KSR2: variants seen among roughly 807,000 people sequenced by gnomAD.
KSR2 encodes the protein kinase suppressor of ras 2.
In KSR2, 25 loss-of-function variants were observed where a neutral mutation model predicts 107.8. That is an observed-to-expected ratio of 0.23 (90% CI 0.17 to 0.32). The LOEUF (loss-of-function observed/expected upper bound fraction) is 0.32, where lower values mean the gene tolerates loss of function less well. Ranked by LOEUF, KSR2 falls within the 10% of genes least tolerant of loss-of-function variation. The probability of loss-of-function intolerance (pLI) is 1.00; values close to 1 mark genes in which losing one functional copy is unlikely to be tolerated. For missense variants in KSR2, 887 were observed against 1,268.9 expected (o/e 0.70, Z 4.57); for synonymous variants, 480 against 507.0 (o/e 0.95, Z 0.71).
chr12:117,898,354 C>T (rs138523298), intron 1 of KSR2, among the ~76,000 whole-genome samples: 10 of 147,936 alleles, frequency 6.8e-5, no homozygotes, highest in African/African-American at 2.0e-4. Flanking sequence ...TTTTTTGAGA[C>T]AGGGTCTTGC....
chr12:117,821,451 A>G (rs971135495), intron 3 of KSR2, among the ~76,000 whole-genome samples: 6 of 152,186 alleles, frequency 3.9e-5, no homozygotes, highest in Admixed American at 3.9e-4. Context: ...GATTTTCTTA[A>G]TAACATTTTC....
At chr12:117,469,631 G>C in intron 19 of KSR2, 31 bp downstream of exon 19, 2 of 1,607,100 alleles carry the variant, frequency 1.2e-6, no homozygotes, top group African/African-American at 2.7e-5. Context: ...GGACAAGGCA[G>C]TGGGGAGAGA....
At chr12:117,672,874 T>TC (rs1565954474) in intron 4 of KSR2, among the ~76,000 whole-genome samples, 5 of 152,096 alleles carry the variant, frequency 3.3e-5, no homozygotes, top group Non-Finnish European at 7.4e-5. Flanking sequence ...CTGCCCATCT[T>TC]GGCCTCGGCC....
intron 5 of KSR2, among the ~76,000 whole-genome samples, chr12:117,661,011 G>A (rs986222752): frequency 6.6e-6 from 1 of 152,198 alleles, no homozygotes; most frequent in Non-Finnish European, 1.5e-5. Flanking sequence ...ACACAGTGGA[G>A]TTGTCTATAA....
chr12:117,589,911 C>G (rs555676106), intron 5 of KSR2, among the ~76,000 whole-genome samples: 1 of 152,244 alleles, frequency 6.6e-6, no homozygotes, highest in Non-Finnish European at 1.5e-5. Flanking sequence ...CATCTGGGGC[C>G]CTTGATGGCT....
At chr12:117,936,521 T>TAGTAGTAGTAG (rs1566089539) in intron 1 of KSR2, among the ~76,000 whole-genome samples, 11 of 46,764 alleles carry the variant, frequency 2.4e-4, no homozygotes, top group Non-Finnish European at 4.3e-4. Flanking sequence ...TTTATTATTA[T>TAGTAGTAGTAG]TATTATTATT....
chr12:117,829,001 G>A (rs1052068148), intron 3 of KSR2, among the ~76,000 whole-genome samples: 1 of 152,208 alleles, frequency 6.6e-6, no homozygotes, highest in Admixed American at 6.5e-5. Context: ...GCTACCTGTG[G>A]ATGGGGTGAC....
At chr12:117,657,014 A>C (rs201279540) in intron 5 of KSR2, among the ~76,000 whole-genome samples, 14 of 114,372 alleles carry the variant, frequency 1.2e-4, no homozygotes, top group East Asian at 1.2e-3. Context: ...ATATATATAT[A>C]TCCTATTAGT....
intron 5 of KSR2, among the ~76,000 whole-genome samples, chr12:117,589,930 T>C (rs1361034243): frequency 6.6e-6 from 1 of 152,168 alleles, no homozygotes; most frequent in African/African-American, 2.4e-5. Context: ...CTATGGAGGC[T>C]TCCCTGGAAT....
At chr12:117,623,868 T>G (rs1054127300) in intron 5 of KSR2, among the ~76,000 whole-genome samples, 8 of 152,232 alleles carry the variant, frequency 5.3e-5, no homozygotes, top group African/African-American at 1.7e-4. Flanking sequence ...CGTTCCTATT[T>G]CTCCACATCC....
intron 7 of KSR2, among the ~76,000 whole-genome samples, chr12:117,576,854 C>T (rs10850843): frequency 2.0e-5 from 3 of 150,218 alleles, no homozygotes; most frequent in East Asian, 2.0e-4. Context: ...GGGGTTCTCA[C>T]GATGTTGCCA....
intron 3 of KSR2, among the ~76,000 whole-genome samples, chr12:117,789,470 T>C (rs1890185940): frequency 6.6e-6 from 1 of 152,204 alleles, no homozygotes; most frequent in Admixed American, 6.5e-5. Context: ...AGGGAAAACT[T>C]ACTAGGCAGC....
Position 117,874,195 on chromosome 12 carries a change from T to C in KSR2, c.181-13764A>G, listed in dbSNP as rs186682222. On this transcript the variant is annotated intron_variant, in intron 1 of 19. Coordinates refer to ENST00000339824, the MANE Select transcript of KSR2 (RefSeq NM_173598.6). ...ATAAATTATTTTCCAGAATGGTTCC[T>C]TGAGTATCATGACAATGCTGAAGTG... Among the ~76,000 whole-genome samples the C allele has an allele frequency of 7.4e-3, 1,132 of 152,282 alleles. 44 individuals carry two copies. Among genetic ancestry groups the C allele is most frequent in the Admixed American group, 0.065 (1,001 of 15,306 alleles).
intron 1 of KSR2, among the ~76,000 whole-genome samples, chr12:117,951,970 A>T (rs1359740596): frequency 1.3e-5 from 2 of 152,186 alleles, no homozygotes; most frequent in Admixed American, 1.3e-4. Context: ...AACCCATAGA[A>T]ATAGAGTAGA....
In KSR2 at chr12:117,947,225, G is replaced by T. The variant is rs1300247563; in HGVS notation, c.180+20851C>A. On this transcript the variant is annotated intron_variant, in intron 1 of 19. Coordinates refer to ENST00000339824, the MANE Select transcript of KSR2 (RefSeq NM_173598.6). Reference sequence around the variant, plus strand: ...GAAAGAAAAGAAAGAAAGAAAGAAAGAAAGAAAGAAAGAAAGAAAGAAAGA... The same window carrying T: ...GAAAGAAAAGAAAGAAAGAAAGAAATAAAGAAAGAAAGAAAGAAAGAAAGA... Among the ~76,000 whole-genome samples, 72 of 113,430 alleles carry T rather than the reference G, an allele frequency of 6.3e-4. 1 individual carries two copies. The highest frequency in any genetic ancestry group is 1.0e-3 in the Non-Finnish European group (58 of 56,544). The allele number at this position is 113,430 out of a possible 152,430, so 74.4% of individuals were successfully genotyped here.
intron 1 of KSR2, among the ~76,000 whole-genome samples, chr12:117,902,194 C>A (rs186848574): frequency 2.4e-4 from 37 of 152,264 alleles, no homozygotes; most frequent in African/African-American, 8.9e-4. Context: ...TGTGGTGGCT[C>A]ACACCTGTAA....
intron 3 of KSR2, among the ~76,000 whole-genome samples, chr12:117,795,108 A>T (rs1352849855): frequency 6.6e-6 from 1 of 152,172 alleles, no homozygotes; most frequent in Non-Finnish European, 1.5e-5. Flanking sequence ...AAGACATATC[A>T]TTCTGACTTG....
intron 9 of KSR2, among the ~76,000 whole-genome samples, 182 bp downstream of exon 9, chr12:117,554,987 A>C (rs1004235603): frequency 6.6e-6 from 1 of 152,124 alleles, no homozygotes; most frequent in Admixed American, 6.5e-5. Context: ...CTGGCACACA[A>C]ATCTCTCCAC....
chr12:117,648,079 T>C (rs1026341137), intron 5 of KSR2, among the ~76,000 whole-genome samples: 1 of 151,850 alleles, frequency 6.6e-6, no homozygotes, highest in African/African-American at 2.4e-5. Context: ...TTATGGCAGG[T>C]CCAATGGTCA....
Sources: gnomAD v4.1 joint callset for allele counts (sites outside exome capture counted in the v4.1 genomes callset) on GRCh38, gnomAD v4.1.1 for gene constraint, MANE v1.5 for transcripts, NCBI Gene and HGNC (gene_info 2026-07-23, HGNC 2026-07-21) for gene names.